Variants in TNRC6A observed in about 807,000 individuals in gnomAD.
TNRC6A encodes trinucleotide repeat containing adaptor 6A.
Under a neutral mutation model 221.2 loss-of-function variants are expected in TNRC6A, and 44 were observed. The ratio of observed to expected loss-of-function variants is 0.20; its 90% CI spans 0.16 to 0.26. The LOEUF is 0.26. TNRC6A is among the 10% of genes least tolerant of loss of function. The pLI is 1.00. For missense variants in TNRC6A, 2,199 were observed against 2,404.4 expected, an observed-to-expected ratio of 0.91 and a Z score of 1.79; for synonymous variants, 847 against 838.5, an observed-to-expected ratio of 1.01 and a Z score of -0.18.
chr16:24,694,391 C>T (rs1332561344), intron 2 of TNRC6A, among the ~76,000 whole-genome samples: 1 of 152,078 alleles, frequency 6.6e-6, no homozygotes, highest in African/African-American at 2.4e-5. Context: ...CGCGGTGGCT[C>T]ACGCTTGTAA....
At chr16:24,813,200 G>T (rs1331553071) in intron 18 of TNRC6A, among the ~76,000 whole-genome samples, 1 of 151,988 alleles carries the variant, frequency 6.6e-6, no homozygotes. Flanking sequence ...GATTCAGGGG[G>T]TACAAGTTCA....
chr16:24,741,798 T>G (rs2056897923), intron 2 of TNRC6A, among the ~76,000 whole-genome samples: 1 of 137,434 alleles, frequency 7.3e-6, no homozygotes, highest in Admixed American at 7.1e-5. Context: ...TTGTGCCTAG[T>G]CTCTCATGGC....
Position 24,804,743 on chromosome 16 carries a change from T to C in TNRC6A, c.3876T>C (p.Phe1292=). Residue 1292 remains phenylalanine, a synonymous_variant, in exon 13 of 25, where the codon TTT becomes TTC. Coordinates refer to ENST00000395799, the MANE Select transcript of TNRC6A (RefSeq NM_014494.4). ...CAGATGAATCCCAAAACATGCAGTT[T>C]ATGTCCAGTCAAAGCATGAAGCTTC... ...IVADESQNMQ[F]MSSQSMKLPP... 15 of 1,607,000 alleles carry C rather than the reference T, an allele frequency of 9.3e-6. No individual in the cohort carries two copies. Among genetic ancestry groups the C allele is most frequent in the Non-Finnish European group, 1.3e-5 (15 of 1,178,494 alleles).
intron 2 of TNRC6A, among the ~76,000 whole-genome samples, chr16:24,703,117 G>A (rs1271800578): frequency 6.6e-6 from 1 of 152,034 alleles, no homozygotes; most frequent in African/African-American, 2.4e-5. Flanking sequence ...TCACAGAGTT[G>A]TGCAACCATC....
intron 1 of TNRC6A, among the ~76,000 whole-genome samples, chr16:24,634,189 C>G (rs1210300976): frequency 2.6e-5 from 4 of 152,024 alleles, no homozygotes; most frequent in Non-Finnish European, 5.9e-5. Flanking sequence ...CCTGTAATCC[C>G]AGCACTTTGG....
intron 4 of TNRC6A, among the ~76,000 whole-genome samples, chr16:24,769,656 G>A (rs1353591431): frequency 6.6e-6 from 1 of 152,142 alleles, no homozygotes; most frequent in Admixed American, 6.5e-5. Context: ...CTCCATGCCA[G>A]CTGTAGGTGT....
chr16:24,791,764 A>G lies in TNRC6A; in HGVS notation c.3122A>G (p.Gln1041Arg). ...SRSDQQAQVHQLLTPASAISN... is the reference protein window; with the variant it reads ...SRSDQQAQVHRLLTPASAISN... ...TCAGACCAGCAAGCACAGGTACATC[A>G]GCTGCTAACGCCTGCAAGTGCCATC... is the stretch of plus-strand genomic sequence containing the variant. Residue 1041 changes from glutamine to arginine, a missense_variant, in exon 6 of 25, where the codon CAG becomes CGG. Coordinates refer to ENST00000395799, the MANE Select transcript of TNRC6A (RefSeq NM_014494.4). 6.3e-7 allele frequency: 1 copy of G among 1,597,838 alleles called. No individual in the cohort carries two copies. The highest frequency in any genetic ancestry group is 8.5e-7 in the Non-Finnish European group (1 of 1,174,348).
Position 24,802,040 on chromosome 16 carries a change from T to A in TNRC6A, c.3695-2137T>A, listed in dbSNP as rs139003426. On this transcript the variant is annotated intron_variant, in intron 11 of 24. Coordinates refer to ENST00000395799, the MANE Select transcript of TNRC6A (RefSeq NM_014494.4). ...TCTTAAACAACTGTGAAAGGTGGAT[T>A]TTTTAAATACCAGATTCATGACTGG... Among the ~76,000 whole-genome samples, 348 of 152,298 alleles carry A rather than the reference T, an allele frequency of 2.3e-3. 3 individuals are homozygous for A. Among genetic ancestry groups the A allele is most frequent in the African/African-American group, 7.4e-3 (308 of 41,560 alleles).
Position 24,777,017 on chromosome 16 carries a change from A to G in TNRC6A, c.248A>G (p.Asn83Ser), listed in dbSNP as rs776625133. 9 of 1,614,064 alleles carry G rather than the reference A, an allele frequency of 5.6e-6. No homozygotes were observed. The highest frequency in any genetic ancestry group is 2.2e-5 in the South Asian group (2 of 91,086). ...ACTTCCACAGCAACCAGCACTAATA[A>G]TAATGCCAAGCGAGCTACAGCCAAC... ...NGTSTATSTN[N>S]NAKRATANNQ... The change falls in exon 5 of 25, where the codon AAT becomes AGT. Residue 83 changes from asparagine to serine, a missense_variant. Asn to Ser is a conservative substitution (Grantham distance 46). Around this residue, in one of 8 missense-constraint regions of TNRC6A, gnomAD observed 1,405 missense variants for 1,400.2 expected, o/e 1.00. Transcript: ENST00000395799.
At chr16:24,819,643 C>T in intron 21 of TNRC6A, 1 of 175,642 alleles carries the variant, frequency 5.7e-6, no homozygotes. Context: ...GGACCACAGA[C>T]AGCACATGCC....
At chr16:24,744,547 AGTT>A (rs1317204601) in intron 2 of TNRC6A, among the ~76,000 whole-genome samples, 1 of 151,994 alleles carries the variant, frequency 6.6e-6, no homozygotes, top group Non-Finnish European at 1.5e-5. Context: ...TATTTTATTC[AGTT>A]GTTTGTAATT....
chr16:24,823,522 T>G lies in TNRC6A; in HGVS notation c.5604T>G (p.Pro1868=). 1 of 1,614,070 alleles carries G rather than the reference T, an allele frequency of 6.2e-7. No homozygotes were observed. Among genetic ancestry groups the G allele is most frequent in the South Asian group, 1.1e-5 (1 of 91,082 alleles). The change falls in exon 25 of 25, where the codon CCT becomes CCG. Residue 1868 remains proline, a synonymous_variant. Coordinates refer to ENST00000395799, the MANE Select transcript of TNRC6A (RefSeq NM_014494.4). The surrounding 1 kb of genome is among the most constrained non-coding windows in gnomAD (Gnocchi z 4.3). ...RFFAQSQSLT[P]SPGWQSLGSS... Reference sequence around the variant, plus strand: ...TTGCACAAAGCCAGTCTCTGACCCCTTCTCCCGGCTGGCAGTCTCTCGGGT... The same window carrying G: ...TTGCACAAAGCCAGTCTCTGACCCCGTCTCCCGGCTGGCAGTCTCTCGGGT...
chr16:24,683,719 C>G (rs1366257217), intron 2 of TNRC6A, among the ~76,000 whole-genome samples: 11 of 152,340 alleles, frequency 7.2e-5, no homozygotes, highest in Middle Eastern at 6.8e-3. Context: ...TAGCTCTTCT[C>G]GCTGTCCTCA....
At chr16:24,771,628 T>TGTTATGTTA (rs1567449399) in intron 4 of TNRC6A, among the ~76,000 whole-genome samples, 2 of 151,796 alleles carry the variant, frequency 1.3e-5, no homozygotes, top group Admixed American at 6.6e-5. Context: ...TGTTATGTTA[T>TGTTATGTTA]TCAGGAGTTG....
chr16:24,770,564 A>G (rs2057569583), intron 4 of TNRC6A, among the ~76,000 whole-genome samples: 1 of 152,196 alleles, frequency 6.6e-6, no homozygotes, highest in South Asian at 2.1e-4. Context: ...AAATTGAGGA[A>G]GAAATTCCTG....
intron 2 of TNRC6A, among the ~76,000 whole-genome samples, chr16:24,677,348 A>G (rs2055440617): frequency 6.6e-6 from 1 of 152,024 alleles, no homozygotes; most frequent in Admixed American, 6.6e-5. Context: ...TTTTTAGTAG[A>G]GACGGGGTTT....
intron 3 of TNRC6A, among the ~76,000 whole-genome samples, chr16:24,757,052 A>T (rs1185270435): frequency 6.6e-6 from 1 of 152,156 alleles, no homozygotes; most frequent in African/African-American, 2.4e-5. Flanking sequence ...CTACTCTCAG[A>T]TTTTAAAAAT....
rs1259536768 is a variant in TNRC6A, at chr16:24,755,566, A to G, written c.142-2773A>G. The stretch of plus-strand genomic sequence containing the variant: ...TATAGATGAGGAAACTAAGCTTTAG[A>G]GAAGTTAACACATTTGACCATGGTC... On this transcript the variant is annotated intron_variant, in intron 3 of 24. Coordinates refer to ENST00000395799, the MANE Select transcript of TNRC6A (RefSeq NM_014494.4). Among the ~76,000 whole-genome samples the G allele has an allele frequency of 2.0e-5, 3 of 152,342 alleles. 1 individual carries two copies. The South Asian group carries it at 6.2e-4, about 32-fold the overall frequency.
chr16:24,804,920 T>C (rs774564085), intron 13 of TNRC6A, 69 bp downstream of exon 13: 2 of 1,613,724 alleles, frequency 1.2e-6, no homozygotes, highest in South Asian at 1.1e-5. Flanking sequence ...CTCTCTTACA[T>C]GTAGTTACTG....
Sources: allele counts gnomAD v4.1 joint callset (sites outside exome capture counted in the v4.1 genomes callset), GRCh38; gene constraint gnomAD v4.1.1; regional missense constraint gnomAD v4.1.1; non-coding constraint Gnocchi (gnomAD v3.1); transcripts MANE v1.5; gene names NCBI Gene and HGNC (gene_info 2026-07-23, HGNC 2026-07-21).